PIP5K1C: variants seen among roughly 807,000 people sequenced by gnomAD.
The protein encoded by PIP5K1C is phosphatidylinositol-4-phosphate 5-kinase type 1 gamma, also known as phosphatidylinositol 4-phosphate 5-kinase type-1 gamma.
In PIP5K1C, 45 loss-of-function variants were observed where a neutral mutation model predicts 80.1. The observed-to-expected ratio is 0.56, with a 90% CI of 0.44 to 0.72. PIP5K1C has a LOEUF of 0.72. Ranked by LOEUF, PIP5K1C falls within the 30% of genes least tolerant of loss-of-function variation. The pLI is 0.00. For missense variants in PIP5K1C, 753 were observed against 954.6 expected (o/e 0.79, Z 2.78); for synonymous variants, 498 against 420.1 (o/e 1.19, Z -2.27).
intron 6 of PIP5K1C, 65 bp from the exon 7 acceptor site, chr19:3,653,654 G>C: frequency 1.4e-6 from 2 of 1,460,876 alleles, no homozygotes; most frequent in Non-Finnish European, 1.9e-6. Flanking sequence ...GGCGGGCAAA[G>C]CAGGCCTCTG....
Position 3,694,664 on chromosome 19 carries a change from T to C in PIP5K1C, c.94+5633A>G, listed in dbSNP as rs543618767. Among the ~76,000 whole-genome samples, 63 of 152,340 alleles carry C rather than the reference T, an allele frequency of 4.1e-4. 1 individual carries two copies. The South Asian group carries it at 8.3e-3, about 20-fold the overall frequency. On this transcript the variant is annotated intron_variant, in intron 1 of 17. Coordinates refer to ENST00000335312, the MANE Select transcript of PIP5K1C (RefSeq NM_012398.3). ...CCCCACGCGACCCTCTCCCACCACG[T>C]TGACTTCACTTCTGCGGCTCAAGTG...
rs1301269058 is a variant in PIP5K1C, at chr19:3,648,666, C to G, written c.1170G>C (p.Leu390=). Residue 390 remains leucine, a synonymous_variant, in exon 9 of 18, where the codon CTG becomes CTC. Coordinates refer to ENST00000335312, the MANE Select transcript of PIP5K1C (RefSeq NM_012398.3). This position sits in a 1 kb window ranked among gnomAD's most constrained non-coding sequence, Gnocchi z 4.3. ...IPAVNGRGER[L]LLHIGIIDIL... is the part of the protein sequence containing the mutation. ...TGTCGATGATGCCAATGTGCAGCAG[C>G]AGCCGCTCCCCGCGGCCGTTCACAG... is the stretch of plus-strand genomic sequence containing the variant. The G allele has an allele frequency of 6.2e-7, 1 of 1,613,116 alleles. No individual in the cohort carries two copies. Among genetic ancestry groups the G allele is most frequent in the South Asian group, 1.1e-5 (1 of 91,092 alleles).
chr19:3,642,979 G>C (rs2034035235), intron 13 of PIP5K1C, 40 bp from the exon 14 acceptor site: 3 of 1,610,604 alleles, frequency 1.9e-6, no homozygotes, highest in Non-Finnish European at 2.5e-6. Flanking sequence ...CAGAAAGAGA[G>C]TGGCCCGCCT....
intron 5 of PIP5K1C, among the ~76,000 whole-genome samples, chr19:3,657,802 A>G (rs4807496): frequency 0.66 from 99,560 of 151,446 alleles, 33,114 homozygotes; most frequent in East Asian, 0.93. Flanking sequence ...AGGCATGGTG[A>G]TGCCCATCTG....
intron 5 of PIP5K1C, among the ~76,000 whole-genome samples, chr19:3,656,837 G>T (rs958582635): frequency 6.6e-6 from 1 of 152,226 alleles, no homozygotes; most frequent in Non-Finnish European, 1.5e-5. Context: ...TGATCGCACC[G>T]GGGTGCTGAC....
intron 11 of PIP5K1C, among the ~76,000 whole-genome samples, chr19:3,644,897 G>C (rs1476283944): frequency 6.6e-6 from 1 of 152,236 alleles, no homozygotes; most frequent in Admixed American, 6.5e-5. Flanking sequence ...TAAACAGTAG[G>C]TGCTCAGTTT....
intron 1 of PIP5K1C, among the ~76,000 whole-genome samples, chr19:3,691,470 C>T (rs984900246): frequency 2.6e-5 from 4 of 152,154 alleles, no homozygotes; most frequent in African/African-American, 9.7e-5. Flanking sequence ...TCACGCGCCA[C>T]GCCCAGGTTC....
chr19:3,637,972 G>T lies in PIP5K1C; in HGVS notation c.1920+912C>A. 1 of 1,531,834 alleles carries T rather than the reference G, an allele frequency of 6.5e-7. No individual in the cohort carries two copies. Among genetic ancestry groups the T allele is most frequent in the East Asian group, 2.4e-5 (1 of 40,900 alleles). 94.9% of individuals were successfully genotyped at this position (1,531,834 alleles called of 1,614,324 possible). Reference sequence around the variant, plus strand: ...CGCGGCCCGTCCCTCCCTTCTCCAGGGCCAGGTGGGTGCATGGGGACCCCA... The same window carrying T: ...CGCGGCCCGTCCCTCCCTTCTCCAGTGCCAGGTGGGTGCATGGGGACCCCA... On this transcript the variant is annotated intron_variant, in intron 16 of 17. Transcript: ENST00000335312. The surrounding 1 kb of genome is among the most constrained non-coding windows in gnomAD (Gnocchi z 7.0).
chr19:3,636,603 CG>C, intron 16 of PIP5K1C: 1 of 985,628 alleles, frequency 1.0e-6, no homozygotes, highest in Non-Finnish European at 1.2e-6. Context: ...GGACGATCTC[CG>C]GGGCACGGCT....
intron 5 of PIP5K1C, among the ~76,000 whole-genome samples, chr19:3,660,474 G>A (rs1221328659): frequency 6.6e-6 from 1 of 152,116 alleles, no homozygotes; most frequent in African/African-American, 2.4e-5. Flanking sequence ...CCCGGATAAT[G>A]GGCTGCTAGG....
chr19:3,695,999 G>T (rs1394140530), intron 1 of PIP5K1C, among the ~76,000 whole-genome samples: 1 of 152,114 alleles, frequency 6.6e-6, no homozygotes, highest in East Asian at 1.9e-4. Flanking sequence ...CCAAAATGCT[G>T]GGATTACAGG....
intron 1 of PIP5K1C, among the ~76,000 whole-genome samples, chr19:3,687,714 C>T (rs1202358908): frequency 6.6e-6 from 1 of 152,160 alleles, no homozygotes; most frequent in Non-Finnish European, 1.5e-5. Flanking sequence ...GACCCCAGCA[C>T]GGTGGAGGGA....
In PIP5K1C at chr19:3,696,518, G is replaced by A. The variant is rs372864617; in HGVS notation, c.94+3779C>T. Among the ~76,000 whole-genome samples, 1 of 151,928 alleles carries A rather than the reference G, an allele frequency of 6.6e-6. No individual in the cohort carries two copies. The highest frequency in any genetic ancestry group is 2.4e-5 in the African/African-American group (1 of 41,352). On this transcript the variant is annotated intron_variant, in intron 1 of 17. Coordinates refer to ENST00000335312, the MANE Select transcript of PIP5K1C (RefSeq NM_012398.3). The surrounding 1 kb of genome is among the most constrained non-coding windows in gnomAD (Gnocchi z 4.1). ...ACCGCTGTGTGGTGACAGCAGGGCA[G>A]GGAGGCCTCACGGAGAGGAGATGCT...
chr19:3,660,207 C>CG (rs1436614365), intron 5 of PIP5K1C, among the ~76,000 whole-genome samples: 5 of 152,068 alleles, frequency 3.3e-5, no homozygotes, highest in Non-Finnish European at 7.4e-5. Flanking sequence ...GGTGAAACCC[C>CG]GTCTCTACTA....
At chr19:3,676,854 C>G (rs1233287343) in intron 1 of PIP5K1C, among the ~76,000 whole-genome samples, 4 of 152,188 alleles carry the variant, frequency 2.6e-5, no homozygotes, top group Non-Finnish European at 5.9e-5. Context: ...GGCTCTAGCA[C>G]TTTGGGAGGC....
chr19:3,655,342 C>T (rs1300984205), intron 6 of PIP5K1C, among the ~76,000 whole-genome samples: 2 of 152,028 alleles, frequency 1.3e-5, no homozygotes, highest in Non-Finnish European at 2.9e-5. Context: ...GGCTTGAACC[C>T]AGGAGGGGGA....
chr19:3,642,027 G>C (rs1191896429), intron 14 of PIP5K1C, among the ~76,000 whole-genome samples: 2 of 152,202 alleles, frequency 1.3e-5, no homozygotes, highest in East Asian at 1.9e-4. Context: ...GCGGGCTCTG[G>C]GGGCATATGA....
chr19:3,671,251 C>T (rs1039106229), intron 1 of PIP5K1C, among the ~76,000 whole-genome samples: 1 of 152,242 alleles, frequency 6.6e-6, no homozygotes, highest in South Asian at 2.1e-4. Context: ...TCCTCAGTGG[C>T]CCCGATGCTG....
At chr19:3,663,753 G>A (rs377662526) in intron 3 of PIP5K1C, among the ~76,000 whole-genome samples, 5 of 152,216 alleles carry the variant, frequency 3.3e-5, no homozygotes, top group African/African-American at 4.8e-5. Context: ...ACACGGGGAC[G>A]CTGGGCCTCA....
Sources: allele counts gnomAD v4.1 joint callset (sites outside exome capture counted in the v4.1 genomes callset), GRCh38; gene constraint gnomAD v4.1.1; non-coding constraint Gnocchi (gnomAD v3.1); transcripts MANE v1.5; gene names NCBI Gene and HGNC (gene_info 2026-07-23, HGNC 2026-07-21).